ASNS: variants seen among roughly 807,000 people sequenced by gnomAD.
The protein encoded by ASNS is asparagine synthetase (glutamine-hydrolyzing).
ASNS carries 37 observed loss-of-function variants against 62.6 expected under a neutral mutation model. The ratio of observed to expected loss-of-function variants is 0.59; its 90% CI spans 0.45 to 0.78. The LOEUF (loss-of-function observed/expected upper bound fraction) is 0.78. Ranked by LOEUF, ASNS falls within the 30% of genes least tolerant of loss-of-function variation. ASNS has a pLI of 0.00. For synonymous variants in ASNS, 207 were observed against 237.9 expected (o/e 0.87, Z 1.19); for missense variants, 520 against 682.4 (o/e 0.76, Z 2.65).
At chr7:97,914,610 C>T in the ASNS span, among the ~76,000 whole-genome samples, 1 of 152,150 alleles carries the variant, frequency 6.6e-6, no homozygotes, top group African/African-American at 2.4e-5. Flanking sequence ...GGACAGGGAT[C>T]TTATCAACTA....
chr7:97,856,130 A>C (rs1791427853), intron 8 of ASNS, among the ~76,000 whole-genome samples: 1 of 152,186 alleles, frequency 6.6e-6, no homozygotes, highest in Non-Finnish European at 1.5e-5. Flanking sequence ...GTAATACCTA[A>C]GATATTTTTG....
upstream of ASNS, among the ~76,000 whole-genome samples, chr7:97,876,560 T>TGGGATTAC (rs1792442476): frequency 3.3e-5 from 5 of 151,804 alleles, no homozygotes; most frequent in South Asian, 8.3e-4. Flanking sequence ...CCTGAGTAGC[T>TGGGATTAC]GGGATTACAG....
intron 7 of ASNS, among the ~76,000 whole-genome samples, 163 bp from the exon 8 acceptor site, chr7:97,856,979 T>A (rs898781603): frequency 6.6e-6 from 1 of 152,120 alleles, no homozygotes; most frequent in African/African-American, 2.4e-5. Context: ...ACAAGCCCCA[T>A]CCAGCACTGT....
chr7:97,866,771 C>T (rs993260610), intron 3 of ASNS, among the ~76,000 whole-genome samples: 1 of 152,226 alleles, frequency 6.6e-6, no homozygotes, highest in Non-Finnish European at 1.5e-5. Flanking sequence ...TAAGTCCTCA[C>T]TGAACTGTCC....
the ASNS span, among the ~76,000 whole-genome samples, chr7:97,903,968 G>A: frequency 1.3e-5 from 2 of 152,098 alleles, no homozygotes; most frequent in Admixed American, 1.3e-4. Flanking sequence ...TAAAAGGGGG[G>A]TTCTGCCACT....
At chr7:97,854,511 A>G in intron 10 of ASNS, 69 bp downstream of exon 10, 2 of 1,565,440 alleles carry the variant, frequency 1.3e-6, no homozygotes, top group South Asian at 1.2e-5. Flanking sequence ...CAGGGTATTG[A>G]GCTTTTTGTT....
chr7:97,909,939 A>T, the ASNS span, among the ~76,000 whole-genome samples: 1 of 152,152 alleles, frequency 6.6e-6, no homozygotes, highest in Non-Finnish European at 1.5e-5. Flanking sequence ...GCCTGACTCC[A>T]TTCAGCATCT....
chr7:97,893,917 A>G, the ASNS span, among the ~76,000 whole-genome samples: 1 of 152,276 alleles, frequency 6.6e-6, no homozygotes, highest in African/African-American at 2.4e-5. Flanking sequence ...GCAGCAGCAG[A>G]ATATACAATC....
At chr7:97,866,732 C>G (rs188541350) in intron 3 of ASNS, among the ~76,000 whole-genome samples, 2 of 152,322 alleles carry the variant, frequency 1.3e-5, no homozygotes, top group Non-Finnish European at 2.9e-5. Context: ...CCATCCAACT[C>G]ACTCCATAAT....
chr7:97,857,098 T>TA (rs1272124466), intron 7 of ASNS, among the ~76,000 whole-genome samples: 2 of 152,160 alleles, frequency 1.3e-5, no homozygotes, highest in Non-Finnish European at 1.5e-5. Context: ...CTACCTATTT[T>TA]ACCTAACCCA....
At chr7:97,854,168 T>C (rs28505181) in intron 10 of ASNS, among the ~76,000 whole-genome samples, 14,823 of 152,242 alleles carry the variant, frequency 0.097, 931 homozygotes, top group African/African-American at 0.18. Flanking sequence ...CACATGGGCA[T>C]GGTGGGCACT....
Position 97,858,268 on chromosome 7 carries a change from A to G in ASNS, c.903+10T>C. 1 of 1,612,494 alleles carries G rather than the reference A, an allele frequency of 6.2e-7. No homozygotes were observed. Among genetic ancestry groups the G allele is most frequent in the Non-Finnish European group, 8.5e-7 (1 of 1,179,882 alleles). On this transcript the variant is annotated intron_variant, in intron 7 of 12. Coordinates refer to ENST00000394308, the MANE Select transcript of ASNS (RefSeq NM_001673.5). ...ACTACACTACACAAGGGACAGAGAC[A>G]GCACCTTACCTTTCTAGCAGCCAGT...
Position 97,869,128 on chromosome 7 carries a change from C to G in ASNS, c.29G>C (p.Ser10Thr). The G allele has an allele frequency of 6.2e-7, 1 of 1,614,206 alleles. No individual in the cohort carries two copies. The highest frequency in any genetic ancestry group is 1.1e-5 in the South Asian group (1 of 91,084). MCGIWALFG[S>T]DDCLSVQCLS... is the part of the protein sequence containing the mutation. ...ACACTGAACAGAAAGGCAATCATCA[C>G]TGCCAAACAGCGCCCAAATGCCACA... The change falls in exon 3 of 13, where the codon AGT becomes ACT. Residue 10 changes from serine to threonine, a missense_variant. By Grantham distance (58) the Ser-to-Thr change is moderately conservative. Coordinates refer to ENST00000394308, the MANE Select transcript of ASNS (RefSeq NM_001673.5).
intron 4 of ASNS, among the ~76,000 whole-genome samples, chr7:97,861,122 C>T (rs1203031046): frequency 7.4e-5 from 11 of 148,580 alleles, no homozygotes; most frequent in Admixed American, 1.3e-4. Flanking sequence ...CCCGGGTTCA[C>T]GCCATTCTCC....
the ASNS span, among the ~76,000 whole-genome samples, chr7:97,900,401 T>C: frequency 6.7e-6 from 1 of 149,826 alleles, no homozygotes; most frequent in Non-Finnish European, 1.5e-5. Flanking sequence ...ATAACAAGTT[T>C]TGGTGAGGAT....
the ASNS span, among the ~76,000 whole-genome samples, chr7:97,896,504 G>A: frequency 2.7e-5 from 4 of 147,722 alleles, no homozygotes; most frequent in Non-Finnish European, 4.5e-5. Context: ...GGCTGAGGCA[G>A]GAGAATGGCA....
the ASNS span, chr7:97,906,340 G>A: frequency 2.6e-6 from 1 of 381,520 alleles, no homozygotes; most frequent in Admixed American, 3.6e-5. Context: ...CCACTCCCCA[G>A]AAAGATAACT....
chr7:97,852,784 T>C (rs1791245998), intron 12 of ASNS, among the ~76,000 whole-genome samples: 2 of 151,698 alleles, frequency 1.3e-5, no homozygotes, highest in South Asian at 4.1e-4. Flanking sequence ...GTAAGTCTCC[T>C]CTCTCTCTCG....
the ASNS span, among the ~76,000 whole-genome samples, chr7:97,902,195 G>GAGGAT: frequency 6.6e-6 from 1 of 152,056 alleles, no homozygotes; most frequent in Non-Finnish European, 1.5e-5. Flanking sequence ...TTTATGCAGA[G>GAGGAT]ATGTAAACAA....
Sources: allele counts gnomAD v4.1 joint callset (sites outside exome capture counted in the v4.1 genomes callset), GRCh38; gene constraint gnomAD v4.1.1; transcripts MANE v1.5; gene names NCBI Gene and HGNC (gene_info 2026-07-23, HGNC 2026-07-21).